ZNF251: variants seen among roughly 807,000 people sequenced by gnomAD.
ZNF251 encodes zinc finger protein 251.
ZNF251 carries 14 observed loss-of-function variants against 13.5 expected under a neutral mutation model. The observed-to-expected ratio is 1.04, with a 90% CI of 0.69 to 1.63. The LOEUF is 1.63. ZNF251 is among the 40% of genes most tolerant of loss of function. ZNF251 has a pLI of 0.00. For missense variants in ZNF251, 764 were observed against 834.9 expected, an observed-to-expected ratio of 0.92 and a Z score of 1.05; for synonymous variants, 287 against 295.2, an observed-to-expected ratio of 0.97 and a Z score of 0.28.
chr8:144,731,663 G>A (rs904132576), intron 4 of ZNF251, among the ~76,000 whole-genome samples: 8 of 151,404 alleles, frequency 5.3e-5, no homozygotes, highest in African/African-American at 1.9e-4. Flanking sequence ...TTCTGCTCAC[G>A]GCAACCTCTG....
At position 144,721,836 on chromosome 8, in the gene ZNF251, G is replaced by T. The variant is rs1563752893; in HGVS notation, c.1824C>A (p.Thr608=). 1 of 1,495,788 alleles carries T rather than the reference G, an allele frequency of 6.7e-7. No homozygotes were observed. The highest frequency in any genetic ancestry group is 8.9e-7 in the Non-Finnish European group (1 of 1,122,520). 92.7% of individuals were successfully genotyped at this position (1,495,788 alleles called of 1,614,324 possible). ...ECGNAFSGKS[T]LIQHQVTHTG... Reference sequence around the variant, plus strand: ...TGTGAGTTACCTGATGTTGAATAAGGGTTGACTTTCCACTGAAGGCGTTTC... The same window carrying T: ...TGTGAGTTACCTGATGTTGAATAAGTGTTGACTTTCCACTGAAGGCGTTTC... The change falls in exon 5 of 5, where the codon ACC becomes ACA. Residue 608 remains threonine, a synonymous_variant. Transcript: ENST00000292562.
In ZNF251 at chr8:144,722,263, C is replaced by T; in HGVS notation, c.1397G>A (p.Cys466Tyr). 6.2e-7 allele frequency: 1 copy of T among 1,613,846 alleles called. No homozygotes were observed. Among genetic ancestry groups the T allele is most frequent in the Non-Finnish European group, 8.5e-7 (1 of 1,179,924 alleles). The change falls in exon 5 of 5, where the codon TGT (cysteine) becomes TAT (tyrosine). Residue 466 changes from cysteine to tyrosine, a missense_variant. Transcript: ENST00000292562. The surrounding 1 kb of genome is among the most constrained non-coding windows in gnomAD (Gnocchi z 4.8). ...GGAGCTCTGGCTGAAAGCTTTCCCA[C>T]ATTCAACGCACTGGTAGGGCTTCTC... Reference protein sequence around the residue: ...TGEKPYQCVECGKAFSQSSQL... With the variant: ...TGEKPYQCVEYGKAFSQSSQL...
In ZNF251 at chr8:144,722,049, A is replaced by C. The variant is rs375171868; in HGVS notation, c.1611T>G (p.Ile537Met). 1.9e-6 allele frequency: 3 copies of C among 1,613,382 alleles called. No individual in the cohort carries two copies. Among genetic ancestry groups the C allele is most frequent in the Non-Finnish European group, 2.5e-6 (3 of 1,179,642 alleles). Residue 537 changes from isoleucine (I) to methionine (M), a missense_variant, in exon 5 of 5, where the codon ATT becomes ATG. Ile to Met is a conservative substitution (Grantham distance 10, BLOSUM62 1). Transcript: ENST00000292562. This position sits in a 1 kb window ranked among gnomAD's most constrained non-coding sequence, Gnocchi z 4.8. ...HGSSLTADGQ[I>M]PTGEKHGRAF... ...CTCTGCCGTGCTTCTCTCCAGTGGGAATCTGTCCATCTGCTGTGAGGCTGG... is the reference window on the plus strand; with the variant it reads ...CTCTGCCGTGCTTCTCTCCAGTGGGCATCTGTCCATCTGCTGTGAGGCTGG...
At chr8:144,732,122 T>G (rs1190756196) in intron 4 of ZNF251, among the ~76,000 whole-genome samples, 1 of 151,412 alleles carries the variant, frequency 6.6e-6, no homozygotes, top group African/African-American at 2.4e-5. Context: ...TTTTTATTTT[T>G]TTGTAAAGAC....
intron 4 of ZNF251, among the ~76,000 whole-genome samples, chr8:144,731,921 C>T (rs560669496): frequency 6.7e-6 from 1 of 148,182 alleles, no homozygotes; most frequent in South Asian, 2.1e-4. Context: ...AAATTAAATT[C>T]AATAAAGGAC....
intron 4 of ZNF251, among the ~76,000 whole-genome samples, chr8:144,742,139 G>A (rs547585872): frequency 6.6e-5 from 10 of 152,172 alleles, no homozygotes; most frequent in Admixed American, 5.9e-4. Flanking sequence ...TCCCATGAAT[G>A]GCTGACTCCT....
chr8:144,731,841 G>T (rs1052998673), intron 4 of ZNF251, among the ~76,000 whole-genome samples: 1 of 152,058 alleles, frequency 6.6e-6, no homozygotes, highest in South Asian at 2.1e-4. Flanking sequence ...GCCCACCTCG[G>T]CCTCCCAAAG....
chr8:144,735,477 G>A (rs770154412), intron 4 of ZNF251, among the ~76,000 whole-genome samples: 15 of 152,004 alleles, frequency 9.9e-5, no homozygotes, highest in Non-Finnish European at 2.2e-4. Flanking sequence ...CCAGGTCAGA[G>A]TTAGCGCTCA....
intron 4 of ZNF251, among the ~76,000 whole-genome samples, chr8:144,733,458 G>A (rs1302261175): frequency 6.6e-6 from 1 of 152,228 alleles, no homozygotes; most frequent in Non-Finnish European, 1.5e-5. Flanking sequence ...CGGCTGCCAT[G>A]AGGCCTCCGG....
chr8:144,754,083 C>T (rs2130118419), intron 3 of ZNF251, 109 bp downstream of exon 3: 2 of 1,436,034 alleles, frequency 1.4e-6, no homozygotes, highest in South Asian at 1.4e-5. Context: ...GACTGATACC[C>T]GGGGACAAGG....
At chr8:144,725,116 C>T (rs561980002) in intron 4 of ZNF251, among the ~76,000 whole-genome samples, 2 of 152,120 alleles carry the variant, frequency 1.3e-5, no homozygotes, top group African/African-American at 4.8e-5. Context: ...TGGGTTCAAG[C>T]GATTCTCCTG....
intron 4 of ZNF251, among the ~76,000 whole-genome samples, chr8:144,730,697 C>T (rs1214079924): frequency 6.6e-6 from 1 of 152,240 alleles, no homozygotes; most frequent in African/African-American, 2.4e-5. Flanking sequence ...AGACGCCTGC[C>T]GGGCCAGGTC....
At chr8:144,729,916 T>C in intron 4 of ZNF251, 1 of 463,380 alleles carries the variant, frequency 2.2e-6, no homozygotes. Flanking sequence ...GTTACATGTG[T>C]TTTTTGTGAC....
intron 4 of ZNF251, chr8:144,738,642 T>C: frequency 1.0e-6 from 1 of 985,444 alleles, no homozygotes; most frequent in South Asian, 4.7e-5. Context: ...GCCCATAGAT[T>C]TAGACTCAGT....
At chr8:144,744,922 G>A (rs1355705145) in intron 4 of ZNF251, among the ~76,000 whole-genome samples, 1 of 152,170 alleles carries the variant, frequency 6.6e-6, no homozygotes, top group East Asian at 1.9e-4. Flanking sequence ...TGGGCGTGGT[G>A]GCGGGCGCCT....
At chr8:144,728,618 G>A (rs1299833497) in intron 4 of ZNF251, among the ~76,000 whole-genome samples, 1 of 147,002 alleles carries the variant, frequency 6.8e-6, no homozygotes, top group Non-Finnish European at 1.5e-5. Context: ...AGCCGAGATC[G>A]CGCCACTGCA....
At chr8:144,745,786 C>T (rs1002325829) in intron 4 of ZNF251, among the ~76,000 whole-genome samples, 2 of 152,012 alleles carry the variant, frequency 1.3e-5, no homozygotes, top group Admixed American at 6.6e-5. Context: ...TGGGCTTAAG[C>T]GATCCTCCTG....
intron 4 of ZNF251, among the ~76,000 whole-genome samples, chr8:144,735,568 A>G (rs1357698183): frequency 6.6e-6 from 1 of 151,876 alleles, no homozygotes; most frequent in Non-Finnish European, 1.5e-5. Context: ...GGCCAATCCC[A>G]TGCCCACAAA....
intron 4 of ZNF251, among the ~76,000 whole-genome samples, chr8:144,732,760 C>G (rs1467506436): frequency 6.8e-6 from 1 of 147,798 alleles, no homozygotes; most frequent in Non-Finnish European, 1.5e-5. Flanking sequence ...TGCAGTGAGC[C>G]AAGATCGCAC....
Sources: gnomAD v4.1 joint callset for allele counts (sites outside exome capture counted in the v4.1 genomes callset) on GRCh38, gnomAD v4.1.1 for gene constraint, Gnocchi (gnomAD v3.1) non-coding constraint, MANE v1.5 for transcripts, NCBI Gene and HGNC (gene_info 2026-07-23, HGNC 2026-07-21) for gene names.